OCA2: variants seen among roughly 807,000 people sequenced by gnomAD.
OCA2 encodes the protein OCA2 melanosomal transmembrane protein.
In OCA2, 77 loss-of-function variants were observed where a neutral mutation model predicts 100.2. That is an observed-to-expected ratio of 0.77 (90% CI 0.64 to 0.93). The LOEUF (loss-of-function observed/expected upper bound fraction) is 0.93. Among genes scored for constraint, OCA2 ranks in the 40% least tolerant of loss-of-function variants. OCA2 has a pLI of 0.00. For missense variants in OCA2, 1,062 were observed against 1,089.1 expected (o/e 0.98, Z 0.35); for synonymous variants, 432 against 439.2 (o/e 0.98, Z 0.21).
In OCA2 at chr15:27,931,260, G is replaced by A. The variant is rs186232346; in HGVS notation, c.1952-5006C>T. 1.8e-3 allele frequency among the ~76,000 whole-genome samples: 267 copies of A among 152,246 alleles called. 1 individual carries two copies. The highest frequency in any genetic ancestry group is 6.1e-3 in the African/African-American group (254 of 41,550). On this transcript the variant is annotated intron_variant, in intron 18 of 23. Coordinates refer to ENST00000354638, the MANE Select transcript of OCA2 (RefSeq NM_000275.3). ...CTCTTAAATAAGAATTACCTGGATG[G>A]ATAACGTATCCTTTTAAACAGTTCT... is the stretch of plus-strand genomic sequence containing the variant.
intron 2 of OCA2, among the ~76,000 whole-genome samples, chr15:28,040,600 AGACT>A (rs2043174223): frequency 6.6e-6 from 1 of 152,204 alleles, no homozygotes; most frequent in Non-Finnish European, 1.5e-5. Context: ...ATCTTTAGCT[AGACT>A]GACTAAGGAA....
chr15:28,077,649 T>C (rs2044474925), intron 2 of OCA2, among the ~76,000 whole-genome samples: 1 of 152,164 alleles, frequency 6.6e-6, no homozygotes, highest in Admixed American at 6.5e-5. Context: ...TTCCCTCTGT[T>C]ATAGGACTAC....
chr15:28,081,896 C>T lies in OCA2; in HGVS notation c.-21-1G>A. On this transcript the variant is annotated splice_acceptor_variant, in intron 1 of 23. Coordinates refer to ENST00000354638, the MANE Select transcript of OCA2 (RefSeq NM_000275.3). LOFTEE classifies it low-confidence loss of function (5UTR_SPLICE). ...GCATGCTCCACTGCCAGTCTTCTCTCTAGGGCAGCCAGAAAGAAACCACTC... is the reference window on the plus strand; with the variant it reads ...GCATGCTCCACTGCCAGTCTTCTCTTTAGGGCAGCCAGAAAGAAACCACTC... 1 of 1,599,956 alleles carries T rather than the reference C, an allele frequency of 6.3e-7. No individual in the cohort carries two copies. The highest frequency in any genetic ancestry group is 1.3e-5 in the African/African-American group (1 of 74,726).
intron 23 of OCA2, among the ~76,000 whole-genome samples, chr15:27,831,864 C>G (rs769130942): frequency 6.6e-6 from 1 of 152,174 alleles, no homozygotes; most frequent in African/African-American, 2.4e-5. Flanking sequence ...CATCTGTCAC[C>G]TGCAGCCAAG....
At chr15:27,805,083 G>T (rs1440653903) in intron 23 of OCA2, among the ~76,000 whole-genome samples, 1 of 152,184 alleles carries the variant, frequency 6.6e-6, no homozygotes, top group Non-Finnish European at 1.5e-5. Flanking sequence ...GCCCTGGAGC[G>T]AGTGGTCAGG....
intron 22 of OCA2, among the ~76,000 whole-genome samples, chr15:27,846,084 C>T (rs1180317949): frequency 1.3e-5 from 2 of 152,062 alleles, no homozygotes; most frequent in African/African-American, 4.8e-5. Flanking sequence ...TCAGGCTGCC[C>T]CAGGCCTTTC....
intron 2 of OCA2, among the ~76,000 whole-genome samples, chr15:28,077,172 G>T (rs1344150971): frequency 6.6e-6 from 1 of 151,228 alleles, no homozygotes; most frequent in Non-Finnish European, 1.5e-5. Context: ...CAATTCTCCT[G>T]CCTGAGCCTC....
chr15:27,968,194 A>G (rs537722347), intron 14 of OCA2, among the ~76,000 whole-genome samples: 3 of 152,346 alleles, frequency 2.0e-5, no homozygotes, highest in Non-Finnish European at 4.4e-5. Flanking sequence ...ACATCTGTGC[A>G]GGCACCTCCT....
Position 27,986,650 on chromosome 15 carries a change from G to A in OCA2, c.1183-7C>T. 1 of 1,530,532 alleles carries A rather than the reference G, an allele frequency of 6.5e-7. No homozygotes were observed. The highest frequency in any genetic ancestry group is 9.1e-7 in the Non-Finnish European group (1 of 1,102,740). 94.8% of individuals were successfully genotyped at this position (1,530,532 alleles called of 1,614,324 possible). ...ATATGGCTACTAAGATCATCTATGG[G>A]GAAAAGAAGAAGACAAGGATAATCT... On this transcript the variant is annotated splice_polypyrimidine_tract_variant and splice_region_variant and intron_variant, in intron 11 of 23. Transcript: ENST00000354638.
At chr15:27,800,156 TAAATGA>T in intron 23 of OCA2, among the ~76,000 whole-genome samples, 1 of 152,158 alleles carries the variant, frequency 6.6e-6, no homozygotes, top group Non-Finnish European at 1.5e-5. Flanking sequence ...TTTTCTGAAC[TAAATGA>T]AAATGAAAAC....
intron 1 of OCA2, 26 bp from the exon 2 acceptor site, chr15:28,081,921 C>G: frequency 6.4e-7 from 1 of 1,560,670 alleles, no homozygotes; most frequent in Non-Finnish European, 8.7e-7. Context: ...AGAAACCACT[C>G]TTCATGAAAG....
chr15:27,936,825 A>G (rs2039470623), intron 18 of OCA2, among the ~76,000 whole-genome samples: 1 of 152,146 alleles, frequency 6.6e-6, no homozygotes, highest in African/African-American at 2.4e-5. Context: ...TCCATTCAAC[A>G]CCTGGAAGCT....
chr15:28,025,000 G>C (rs550696836), intron 4 of OCA2, 98 bp from the exon 5 acceptor site: 21 of 1,118,526 alleles, frequency 1.9e-5, no homozygotes, highest in Non-Finnish European at 2.3e-5. Context: ...CCATCTCAAA[G>C]CATGTGTTTT....
chr15:27,975,287 A>G (rs1477050049), intron 14 of OCA2, among the ~76,000 whole-genome samples: 2 of 152,228 alleles, frequency 1.3e-5, no homozygotes, highest in Non-Finnish European at 2.9e-5. Flanking sequence ...TCTTAAAAAG[A>G]AGAAAAAAAA....
chr15:27,957,518 G>T lies in OCA2; in HGVS notation c.1784+70C>A. The T allele has an allele frequency of 3.9e-6, 6 of 1,557,388 alleles. No individual in the cohort carries two copies. In the South Asian group the frequency reaches 5.6e-5, roughly 14 times the overall value. Reference sequence around the variant, plus strand: ...CACGTATTAGTATACAGCTAATGTCGCTATTTTGTAGGCCCATGGAATGTT... The same window carrying T: ...CACGTATTAGTATACAGCTAATGTCTCTATTTTGTAGGCCCATGGAATGTT... On this transcript the variant is annotated intron_variant, in intron 16 of 23. Coordinates refer to ENST00000354638, the MANE Select transcript of OCA2 (RefSeq NM_000275.3). The surrounding 1 kb of genome is among the most constrained non-coding windows in gnomAD (Gnocchi z 4.3).
At chr15:27,946,922 T>G (rs1175459027) in intron 18 of OCA2, among the ~76,000 whole-genome samples, 45 of 152,316 alleles carry the variant, frequency 3.0e-4, no homozygotes, top group Admixed American at 2.7e-3. Context: ...ACAACTCCCA[T>G]TCCAGAAAGG....
chr15:27,934,188 G>A (rs1288901671), intron 18 of OCA2, among the ~76,000 whole-genome samples: 1 of 151,942 alleles, frequency 6.6e-6, no homozygotes, highest in Non-Finnish European at 1.5e-5. Context: ...GATGGGGTTG[G>A]GAAGGACATT....
intron 2 of OCA2, among the ~76,000 whole-genome samples, chr15:28,054,840 A>G (rs151332858): frequency 1.2e-4 from 19 of 152,344 alleles, no homozygotes; most frequent in African/African-American, 3.6e-4. Flanking sequence ...CAGAAAATTT[A>G]CAATCATGGC....
At chr15:28,030,207 C>G (rs1177637379) in intron 3 of OCA2, among the ~76,000 whole-genome samples, 1 of 152,194 alleles carries the variant, frequency 6.6e-6, no homozygotes, top group Admixed American at 6.5e-5. Context: ...ACACTCCTTA[C>G]CCATCCAGTC....
Sources: allele counts gnomAD v4.1 joint callset (sites outside exome capture counted in the v4.1 genomes callset), GRCh38; gene constraint gnomAD v4.1.1; non-coding constraint Gnocchi (gnomAD v3.1); transcripts MANE v1.5; gene names NCBI Gene and HGNC (gene_info 2026-07-23, HGNC 2026-07-21).